The following ZNF723 variants were observed in gnomAD, a reference collection of about 807,000 sequenced individuals.
ZNF723 encodes the protein zinc finger protein 723, pseudogene.
In ZNF723, 5 loss-of-function variants were observed where a neutral mutation model predicts 9.4. The observed-to-expected ratio is 0.53, with a 90% CI of 0.28 to 1.12. The LOEUF (loss-of-function observed/expected upper bound fraction) is 1.12, where lower values mean the gene tolerates loss of function less well. Ranked by LOEUF, ZNF723 falls within the 50% of genes most tolerant of loss-of-function variation. The pLI is 0.10. For synonymous variants in ZNF723, 158 were observed against 168.8 expected, an observed-to-expected ratio of 0.94 and a Z score of 0.49; for missense variants, 450 against 501.5, an observed-to-expected ratio of 0.90 and a Z score of 0.98.
chr19:22,834,120 T>C (rs1967135511), intron 1 of ZNF723, among the ~76,000 whole-genome samples: 1 of 151,896 alleles, frequency 6.6e-6, no homozygotes, highest in South Asian at 2.1e-4. Flanking sequence ...TTCACCATGT[T>C]GGCCAGGCTG....
At chr19:22,812,421 A>G in the ZNF723 span, among the ~76,000 whole-genome samples, 1 of 152,168 alleles carries the variant, frequency 6.6e-6, no homozygotes, top group Non-Finnish European at 1.5e-5. Context: ...TCCAGCTGCA[A>G]TTGGCATGGT....
At position 22,848,351 on chromosome 19, in the gene ZNF723, G is replaced by T. The variant is rs983931072; in HGVS notation, c.94G>T (p.Val32Leu). Residue 32 changes from valine (V) to leucine (L), a missense_variant, in exon 2 of 4, where the codon GTG becomes TTG. Coordinates refer to ENST00000600766, the MANE Select transcript of ZNF723 (RefSeq NM_001349726.2). ...TGCACAGCAGAATTTATATAGGGAT[G>T]TGATGTTAGAGAACTACAGAAACCT... ...DTAQQNLYRD[V>L]MLENYRNLVF... The T allele has an allele frequency of 6.8e-6, 10 of 1,473,700 alleles. No individual in the cohort carries two copies. The African/African-American group carries it at 1.3e-4, about 19-fold the overall frequency. The allele number at this position is 1,473,700 out of a possible 1,614,324, so 91.3% of individuals were successfully genotyped here.
At chr19:22,817,595 A>G in the ZNF723 span, among the ~76,000 whole-genome samples, 4 of 151,998 alleles carry the variant, frequency 2.6e-5, no homozygotes, top group Non-Finnish European at 5.9e-5. Flanking sequence ...TGCCTTTAGG[A>G]AGAATTGTGA....
the ZNF723 span, among the ~76,000 whole-genome samples, chr19:22,823,728 T>A: frequency 6.6e-6 from 1 of 152,192 alleles, no homozygotes; most frequent in Non-Finnish European, 1.5e-5. Flanking sequence ...AGCACCAAGG[T>A]AATATGACTC....
At chr19:22,815,553 A>T in the ZNF723 span, among the ~76,000 whole-genome samples, 1 of 151,978 alleles carries the variant, frequency 6.6e-6, no homozygotes, top group African/African-American at 2.4e-5. Flanking sequence ...ATTTTGACAT[A>T]CCCTTGCCAA....
intron 1 of ZNF723, among the ~76,000 whole-genome samples, chr19:22,834,035 C>T (rs1260296815): frequency 1.3e-5 from 2 of 150,734 alleles, no homozygotes; most frequent in South Asian, 2.1e-4. Context: ...CCTGCCTCAG[C>T]CTCCTAGGTA....
chr19:22,828,843 A>G (rs148342923), upstream of ZNF723, among the ~76,000 whole-genome samples: 1,367 of 152,242 alleles, frequency 9.0e-3, 23 homozygotes, highest in Non-Finnish European at 0.01. Context: ...GAAACAGCAG[A>G]TTTCAACACA....
At chr19:22,843,505 A>G (rs1963974) in intron 1 of ZNF723, among the ~76,000 whole-genome samples, 65,848 of 152,036 alleles carry the variant, frequency 0.43, 17,102 homozygotes, top group African/African-American at 0.74. Flanking sequence ...ACAAATAAAC[A>G]AATTGCTTTT....
At chr19:22,832,184 A>G, upstream of ZNF723, 1 of 520,148 alleles carries the variant, frequency 1.9e-6, no homozygotes, top group Non-Finnish European at 3.2e-6. Flanking sequence ...TCCAGGCCTG[A>G]ATGGGCGGGG....
In ZNF723 at chr19:22,849,276, TGGTAGCCAA is replaced by T. The variant is rs1375833706; in HGVS notation, c.211_219del (p.Val71_Lys73del). The T allele has an allele frequency of 3.3e-6, 2 of 611,002 alleles. No homozygotes were observed. Among genetic ancestry groups the T allele is most frequent in the Admixed American group, 4.7e-5 (2 of 42,932 alleles). The allele number at this position is 611,002 out of a possible 1,614,324, so 37.8% of individuals were successfully genotyped here. ...CCCTGGAATATGAAGAGACACAAGA[TGGTAGCCAA>T]GCCCCCAGGTAGGTGGAGAGTGAAC... On this transcript the variant is annotated inframe_deletion, in exon 3 of 4. Transcript: ENST00000600766.
At chr19:22,841,195 G>T (rs1280226536) in intron 1 of ZNF723, among the ~76,000 whole-genome samples, 4 of 152,226 alleles carry the variant, frequency 2.6e-5, no homozygotes, top group Admixed American at 2.0e-4. Context: ...CCTTCAGCAG[G>T]CACTTGGCTT....
At chr19:22,841,324 A>G (rs925935526) in intron 1 of ZNF723, among the ~76,000 whole-genome samples, 5 of 152,198 alleles carry the variant, frequency 3.3e-5, no homozygotes, top group Admixed American at 2.0e-4. Context: ...AGGATGAACT[A>G]CATATGACAT....
At chr19:22,839,465 G>GT (rs1568403960) in intron 1 of ZNF723, among the ~76,000 whole-genome samples, 5 of 91,076 alleles carry the variant, frequency 5.5e-5, no homozygotes, top group African/African-American at 2.4e-4. Context: ...GTTTTTTTTT[G>GT]GTTTTTTTTT....
At chr19:22,831,711 C>T (rs1358690729), upstream of ZNF723, among the ~76,000 whole-genome samples, 1 of 152,018 alleles carries the variant, frequency 6.6e-6, no homozygotes, top group Non-Finnish European at 1.5e-5. Flanking sequence ...AGTTTGAGAC[C>T]AGTCTGGCCA....
At chr19:22,849,073 A>C (rs2145223783) in intron 2 of ZNF723, 125 bp from the exon 3 acceptor site, 1 of 378,196 alleles carries the variant, frequency 2.6e-6, no homozygotes, top group South Asian at 1.2e-4. Flanking sequence ...AAATATTAAG[A>C]AATTACTGTT....
upstream of ZNF723, among the ~76,000 whole-genome samples, chr19:22,828,408 A>G (rs538179673): frequency 1.3e-5 from 2 of 152,328 alleles, no homozygotes; most frequent in Middle Eastern, 3.4e-3. Flanking sequence ...TAATCCCAGA[A>G]CTTTGGGACG....
At chr19:22,830,076 C>T (rs984677080), upstream of ZNF723, among the ~76,000 whole-genome samples, 2 of 151,890 alleles carry the variant, frequency 1.3e-5, no homozygotes, top group Non-Finnish European at 2.9e-5. Flanking sequence ...GAAATTATGT[C>T]TATGATGAAA....
At chr19:22,850,132 C>CATTTTTTTTT (rs1967372716) in intron 3 of ZNF723, among the ~76,000 whole-genome samples, 1 of 149,098 alleles carries the variant, frequency 6.7e-6, no homozygotes. Flanking sequence ...GTCAAGATTG[C>CATTTTTTTTT]TTTGGCTATT....
the ZNF723 span, among the ~76,000 whole-genome samples, chr19:22,819,934 G>T: frequency 6.6e-6 from 1 of 152,092 alleles, no homozygotes; most frequent in Admixed American, 6.5e-5. Flanking sequence ...TGACTCTTCT[G>T]CCTGGAGCTT....
Sources: allele counts gnomAD v4.1 joint callset (sites outside exome capture counted in the v4.1 genomes callset), GRCh38; gene constraint gnomAD v4.1.1; transcripts MANE v1.5; gene names NCBI Gene and HGNC (gene_info 2026-07-23, HGNC 2026-07-21).